Variants in EDIL3 observed in about 807,000 individuals in gnomAD.
EDIL3 encodes the protein EGF-like repeat and discoidin I-like domain-containing protein 3.
Under a neutral mutation model 67.4 loss-of-function variants are expected in EDIL3, and 37 were observed. The observed-to-expected ratio is 0.55, with a 90% CI of 0.42 to 0.72. The LOEUF (loss-of-function observed/expected upper bound fraction) is 0.72, where lower values mean the gene tolerates loss of function less well. EDIL3 is among the 30% of genes least tolerant of loss of function. EDIL3 has a pLI of 0.00. For missense variants in EDIL3, 527 were observed against 586.3 expected (o/e 0.90, Z 1.04); for synonymous variants, 195 against 196.3 (o/e 0.99, Z 0.05).
rs992414527 is a variant in EDIL3 at position 84,022,082 on chromosome 5, A to G, written c.1137+38218T>C. ...ATTCTATGAGGCCAGTATTATCCTG[A>G]TACCAAAACCAAACAAGGGCACAAT... On this transcript the variant is annotated intron_variant, in intron 9 of 10. Transcript: ENST00000296591. Among the ~76,000 whole-genome samples the G allele has an allele frequency of 2.0e-5, 3 of 152,096 alleles. No individual in the cohort carries two copies. In the East Asian group the frequency reaches 5.8e-4, roughly 29 times the overall value.
At chr5:84,161,190 G>C (rs115315897) in intron 4 of EDIL3, among the ~76,000 whole-genome samples, 1 of 151,836 alleles carries the variant, frequency 6.6e-6, no homozygotes, top group Non-Finnish European at 1.5e-5. Context: ...TTTTATGTCT[G>C]AGTAGTATTC....
At chr5:84,157,711 C>T (rs1412107922) in intron 4 of EDIL3, among the ~76,000 whole-genome samples, 2 of 144,104 alleles carry the variant, frequency 1.4e-5, no homozygotes, top group African/African-American at 2.6e-5. Context: ...ATGTAAGAAG[C>T]CTGTGGAGAG....
At chr5:84,054,931 A>C (rs558802432) in intron 9 of EDIL3, among the ~76,000 whole-genome samples, 3 of 146,048 alleles carry the variant, frequency 2.1e-5, no homozygotes, top group Non-Finnish European at 4.4e-5. Context: ...GCTACCAATG[A>C]CTTTCTTCAC....
rs1449298262 is a variant in EDIL3 at position 84,075,915 on chromosome 5, C to CAG, written c.652-9310_652-9309insCT. On this transcript the variant is annotated intron_variant, in intron 6 of 10. Coordinates refer to ENST00000296591, the MANE Select transcript of EDIL3 (RefSeq NM_005711.5). The stretch of plus-strand genomic sequence containing the variant: ...GCACACACACACACACACACACACA[C>CAG]ACAGACACACACTCACGTGCCATTG... 2.5e-3 allele frequency among the ~76,000 whole-genome samples: 365 copies of CAG among 147,968 alleles called. 2 individuals are homozygous for CAG. The highest frequency in any genetic ancestry group is 8.9e-3 in the African/African-American group (355 of 39,790).
rs768584622 is a variant in EDIL3, at chr5:84,106,631, T to G, written c.651+18A>C. ...AAAATGACTTATAACATTAACCTTG[T>G]CCCATCCCATCTGTTACCTGAATCC... is the stretch of plus-strand genomic sequence containing the variant. On this transcript the variant is annotated intron_variant, in intron 6 of 10. Coordinates refer to ENST00000296591, the MANE Select transcript of EDIL3 (RefSeq NM_005711.5). 1 of 1,586,070 alleles carries G rather than the reference T, an allele frequency of 6.3e-7. No homozygotes were observed. The highest frequency in any genetic ancestry group is 1.2e-5 in the South Asian group (1 of 86,386).
At chr5:84,281,492 C>A (rs1378275279) in intron 1 of EDIL3, among the ~76,000 whole-genome samples, 1 of 152,214 alleles carries the variant, frequency 6.6e-6, no homozygotes, top group Non-Finnish European at 1.5e-5. Context: ...ATGCCATAAT[C>A]CACATGAAAC....
chr5:84,132,232 C>A (rs1487704699), intron 5 of EDIL3, among the ~76,000 whole-genome samples: 1 of 131,846 alleles, frequency 7.6e-6, no homozygotes, highest in South Asian at 2.3e-4. Context: ...AGAGAGACTC[C>A]GTCTTTAAAA....
chr5:84,167,778 T>A (rs1318276145), intron 4 of EDIL3, among the ~76,000 whole-genome samples: 1 of 152,164 alleles, frequency 6.6e-6, no homozygotes, highest in African/African-American at 2.4e-5. Context: ...TTAAAGTTGA[T>A]ATGACTTGTT....
At chr5:84,128,218 A>G (rs1318432318) in intron 5 of EDIL3, among the ~76,000 whole-genome samples, 3 of 152,136 alleles carry the variant, frequency 2.0e-5, no homozygotes, top group African/African-American at 7.2e-5. Flanking sequence ...GGAACCCTTG[A>G]GAGCTCAGGA....
intron 4 of EDIL3, among the ~76,000 whole-genome samples, chr5:84,169,769 C>T (rs1748780939): frequency 6.6e-6 from 1 of 151,722 alleles, no homozygotes; most frequent in African/African-American, 2.4e-5. Flanking sequence ...GTATGTACCA[C>T]AGTTTGTTTA....
intron 3 of EDIL3, among the ~76,000 whole-genome samples, chr5:84,187,068 G>A (rs968971949): frequency 6.6e-6 from 1 of 152,032 alleles, no homozygotes; most frequent in African/African-American, 2.4e-5. Context: ...GATACAAGAG[G>A]CTTTAGGGAG....
At chr5:84,165,372 A>G (rs961221945) in intron 4 of EDIL3, among the ~76,000 whole-genome samples, 8 of 152,114 alleles carry the variant, frequency 5.3e-5, no homozygotes, top group African/African-American at 1.9e-4. Flanking sequence ...CATCTCATCT[A>G]CGACAAAACC....
intron 1 of EDIL3, among the ~76,000 whole-genome samples, chr5:84,271,121 C>T (rs1313999254): frequency 6.6e-6 from 1 of 151,936 alleles, no homozygotes; most frequent in African/African-American, 2.4e-5. Context: ...CCTAATTGAC[C>T]CTATTTGAAA....
chr5:84,314,438 C>A (rs1746468403), intron 1 of EDIL3, among the ~76,000 whole-genome samples: 1 of 152,170 alleles, frequency 6.6e-6, no homozygotes, highest in South Asian at 2.1e-4. Context: ...TCTAATTTAG[C>A]ATTTGACTTT....
intron 1 of EDIL3, among the ~76,000 whole-genome samples, chr5:84,268,891 C>G (rs919741849): frequency 1.3e-5 from 2 of 152,086 alleles, no homozygotes; most frequent in Non-Finnish European, 2.9e-5. Flanking sequence ...CATCCCATAT[C>G]CCATCACTAA....
At chr5:84,117,028 T>TTTTTTA (rs1561436248) in intron 5 of EDIL3, among the ~76,000 whole-genome samples, 1 of 129,620 alleles carries the variant, frequency 7.7e-6, no homozygotes, top group African/African-American at 3.0e-5. Context: ...TTATTTTTTT[T>TTTTTTA]TTTTTTTTTT....
chr5:84,060,594 T>C, intron 8 of EDIL3, 110 bp from the exon 9 acceptor site: 1 of 1,188,130 alleles, frequency 8.4e-7, no homozygotes, highest in South Asian at 1.6e-5. Context: ...TATTCATTCC[T>C]CCAAAGAGAA....
intron 9 of EDIL3, among the ~76,000 whole-genome samples, chr5:84,050,525 C>A (rs1313780551): frequency 6.6e-6 from 1 of 152,208 alleles, no homozygotes; most frequent in Non-Finnish European, 1.5e-5. Context: ...CATCGCCTCA[C>A]CTGGGAAGTG....
intron 4 of EDIL3, among the ~76,000 whole-genome samples, chr5:84,179,250 GAGCAGTGATGCT>G (rs1748973547): frequency 6.6e-6 from 1 of 152,130 alleles, no homozygotes; most frequent in Non-Finnish European, 1.5e-5. Flanking sequence ...TGTGAAGGCT[GAGCAGTGATGCT>G]AGCTAGCATC....
Sources: gnomAD v4.1 joint callset for allele counts (sites outside exome capture counted in the v4.1 genomes callset) on GRCh38, gnomAD v4.1.1 for gene constraint, MANE v1.5 for transcripts, NCBI Gene and HGNC (gene_info 2026-07-23, HGNC 2026-07-21) for gene names.